The following VGLL3 variants were observed in gnomAD, a reference collection of about 807,000 sequenced individuals.
VGLL3 encodes the protein vestigial like family member 3.
Under a neutral mutation model 29.2 loss-of-function variants are expected in VGLL3, and 18 were observed. That is an observed-to-expected ratio of 0.62 (90% CI 0.43 to 0.91). The LOEUF (loss-of-function observed/expected upper bound fraction) is 0.91, where lower values mean the gene tolerates loss of function less well. Ranked by LOEUF, VGLL3 falls within the 40% of genes least tolerant of loss-of-function variation. The pLI is 0.00. For missense variants in VGLL3, 440 were observed against 413.2 expected, an observed-to-expected ratio of 1.06 and a Z score of -0.56; for synonymous variants, 180 against 151.8, an observed-to-expected ratio of 1.19 and a Z score of -1.36.
intron 3 of VGLL3, among the ~76,000 whole-genome samples, chr3:86,964,670 G>A (rs879369537): frequency 5.3e-5 from 8 of 152,142 alleles, no homozygotes; most frequent in South Asian, 4.1e-4. Context: ...TTCACCACAT[G>A]AAGTTACAAT....
intron 3 of VGLL3, among the ~76,000 whole-genome samples, chr3:86,950,165 A>G (rs1704588512): frequency 6.6e-6 from 1 of 152,212 alleles, no homozygotes; most frequent in African/African-American, 2.4e-5. Context: ...TGGCTGTCTG[A>G]AATCACATCT....
At position 86,939,811 on chromosome 3, in the gene VGLL3, A is replaced by T. The variant is rs1704356031; in HGVS notation, c.*7213T>A. ...CTTGACCAGGTTGCTGGATTTGAAG[A>T]TGGAAGGAAACTAAGCAAAGGACTC... On this transcript the variant is annotated 3_prime_UTR_variant, in exon 4 of 4. Transcript: ENST00000398399. 1 of 152,216 alleles carries T rather than the reference A, an allele frequency of 6.6e-6. No individual in the cohort carries two copies. The highest frequency in any genetic ancestry group is 6.5e-5 in the Admixed American group (1 of 15,274). 9.4% of individuals were successfully genotyped at this position (152,216 alleles called of 1,614,324 possible). A position where few individuals can be genotyped will look rare whatever the true frequency, so the allele number is the denominator to read the frequency against.
At chr3:86,990,203 C>T (rs1297314918) in intron 1 of VGLL3, 3 of 663,412 alleles carry the variant, frequency 4.5e-6, no homozygotes, top group Non-Finnish European at 5.6e-6. Flanking sequence ...CTTCCCCTAC[C>T]TCTGTCAGCG....
At chr3:86,990,046 C>T (rs1024765275) in intron 1 of VGLL3, among the ~76,000 whole-genome samples, 2 of 152,236 alleles carry the variant, frequency 1.3e-5, no homozygotes, top group African/African-American at 4.8e-5. Flanking sequence ...AATGAAGAAC[C>T]TTGGAATCCA....
At chr3:86,969,444 A>C (rs923082790) in intron 2 of VGLL3, among the ~76,000 whole-genome samples, 25 of 152,192 alleles carry the variant, frequency 1.6e-4, no homozygotes, top group Non-Finnish European at 2.9e-5. Flanking sequence ...CCTTGCAGCC[A>C]TTAGGCCTAA....
chr3:86,967,281 A>G (rs1469834219), intron 3 of VGLL3, among the ~76,000 whole-genome samples: 1 of 152,148 alleles, frequency 6.6e-6, no homozygotes, highest in Non-Finnish European at 1.5e-5. Context: ...TCAGGCATCA[A>G]ATGACTCCCA....
Position 86,946,975 on chromosome 3 carries a change from G to T in VGLL3, c.*49C>A. The T allele has an allele frequency of 1.3e-6, 1 of 775,704 alleles. No homozygotes were observed. Among genetic ancestry groups the T allele is most frequent in the Non-Finnish European group, 2.4e-6 (1 of 415,616 alleles). The allele number at this position is 775,704 out of a possible 1,614,324, so 48.1% of individuals were successfully genotyped here. ...AAAAACCCGACAGTATCTTTTCCCA[G>T]TGGGCCCTTGGATTTATGCTGCAAC... is the stretch of plus-strand genomic sequence containing the variant. On this transcript the variant is annotated 3_prime_UTR_variant, in exon 4 of 4. Coordinates refer to ENST00000398399, the MANE Select transcript of VGLL3 (RefSeq NM_016206.4).
chr3:86,986,321 C>T (rs1025775678), intron 1 of VGLL3, among the ~76,000 whole-genome samples: 17 of 152,168 alleles, frequency 1.1e-4, no homozygotes, highest in African/African-American at 2.9e-4. Context: ...AACACATCCT[C>T]ACTATGCATG....
At chr3:86,961,572 T>C (rs1211658870) in intron 3 of VGLL3, among the ~76,000 whole-genome samples, 1 of 152,098 alleles carries the variant, frequency 6.6e-6, no homozygotes, top group African/African-American at 2.4e-5. Context: ...CCTGGTAATA[T>C]GTTGTACACG....
chr3:86,968,340 T>C (rs149328625), intron 3 of VGLL3, among the ~76,000 whole-genome samples: 273 of 152,252 alleles, frequency 1.8e-3, no homozygotes, highest in African/African-American at 6.3e-3. Flanking sequence ...AGAGATTCCA[T>C]TTCAAAGGAA....
chr3:86,963,055 A>C, intron 3 of VGLL3: 1 of 204,638 alleles, frequency 4.9e-6, no homozygotes, highest in Non-Finnish European at 1.1e-5. Context: ...AGATCTCGCC[A>C]TTGCACTCCA....
intron 3 of VGLL3, among the ~76,000 whole-genome samples, chr3:86,961,077 G>GT (rs1319455313): frequency 6.6e-6 from 1 of 151,206 alleles, no homozygotes; most frequent in Non-Finnish European, 1.5e-5. Flanking sequence ...ATATTGCATT[G>GT]TTGTGACATT....
At position 86,978,608 on chromosome 3, in the gene VGLL3, T is replaced by G. The variant is rs754283867; in HGVS notation, c.321A>C (p.Ser107=). 3.7e-6 allele frequency: 6 copies of G among 1,614,024 alleles called. No individual in the cohort carries two copies. The highest frequency in any genetic ancestry group is 1.3e-5 in the African/African-American group (1 of 74,922). Residue 107 remains serine (S), a synonymous_variant, in exon 2 of 4, where the codon TCA becomes TCC. Transcript: ENST00000398399. ...GGGTGATGGCTTGGCCCAAAGCTCT[T>G]GAGAAGTGTTCATCCACTACTGACC... ...DIGSVVDEHF[S]RALGQAITLH...
chr3:86,961,620 A>C (rs552706390), intron 3 of VGLL3, among the ~76,000 whole-genome samples: 1 of 152,282 alleles, frequency 6.6e-6, no homozygotes, highest in South Asian at 2.1e-4. Flanking sequence ...CTCCTTCCTT[A>C]TACACAAAGG....
At chr3:86,972,568 T>C (rs1705126005) in intron 2 of VGLL3, among the ~76,000 whole-genome samples, 1 of 152,240 alleles carries the variant, frequency 6.6e-6, no homozygotes, top group Non-Finnish European at 1.5e-5. Flanking sequence ...TTCATATGTA[T>C]GTAAATTTTT....
chr3:86,975,085 T>C (rs1705180785), intron 2 of VGLL3, among the ~76,000 whole-genome samples: 1 of 152,186 alleles, frequency 6.6e-6, no homozygotes, highest in African/African-American at 2.4e-5. Context: ...TAAACACATA[T>C]TACAGTTGAG....
At chr3:86,963,503 A>G (rs1244851696) in intron 3 of VGLL3, among the ~76,000 whole-genome samples, 2 of 152,228 alleles carry the variant, frequency 1.3e-5, no homozygotes, top group African/African-American at 4.8e-5. Context: ...TTCTCTAATT[A>G]GAAGGTTGCA....
chr3:86,938,176 AT>A lies in VGLL3; in HGVS notation c.*8847del, dbSNP rs964265922. 8 of 152,216 alleles carry A rather than the reference AT, an allele frequency of 5.3e-5. No homozygotes were observed. Among genetic ancestry groups the A allele is most frequent in the Admixed American group, 4.6e-4 (7 of 15,286 alleles). The allele number at this position is 152,216 out of a possible 1,614,324, so 9.4% of individuals were successfully genotyped here. On this transcript the variant is annotated 3_prime_UTR_variant, in exon 4 of 4. Transcript: ENST00000398399. ...TAATTGACACATAAAAGTTATATAT[AT>A]TTAAGGTATACGATATGATGATTTG...
rs1163326537 is a variant in VGLL3 at position 86,941,981 on chromosome 3, T to C, written c.*5043A>G. On this transcript the variant is annotated 3_prime_UTR_variant, in exon 4 of 4. Transcript: ENST00000398399. ...GTTATATGTTTGTTTTCAACATTCGTTTTTGAATGGATGTTGAAAGTTAGG... is the reference window on the plus strand; with the variant it reads ...GTTATATGTTTGTTTTCAACATTCGCTTTTGAATGGATGTTGAAAGTTAGG... 1 of 152,088 alleles carries C rather than the reference T, an allele frequency of 6.6e-6. No individual in the cohort carries two copies. 9.4% of individuals were successfully genotyped at this position (152,088 alleles called of 1,614,324 possible).
Sources: allele counts gnomAD v4.1 joint callset (sites outside exome capture counted in the v4.1 genomes callset), GRCh38; gene constraint gnomAD v4.1.1; transcripts MANE v1.5; gene names NCBI Gene and HGNC (gene_info 2026-07-23, HGNC 2026-07-21).